LAMB1: variants seen among roughly 807,000 people sequenced by gnomAD.
LAMB1 encodes laminin subunit beta-1.
LAMB1 carries 121 observed loss-of-function variants against 222.3 expected under a neutral mutation model. The observed-to-expected ratio is 0.54, with a 90% confidence interval of 0.47 to 0.63. The LOEUF is 0.63. LAMB1 is among the 30% of genes least tolerant of loss of function. The pLI is 0.00. For missense variants in LAMB1, 2,172 were observed against 2,240.8 expected (o/e 0.97, Z 0.62); for synonymous variants, 794 against 807.2 (o/e 0.98, Z 0.28).
At chr7:107,928,848 C>T (rs531449895) in intron 31 of LAMB1, among the ~76,000 whole-genome samples, 2 of 151,348 alleles carry the variant, frequency 1.3e-5, no homozygotes, top group African/African-American at 2.5e-5. Flanking sequence ...TGAGATGGGA[C>T]GTAATGGTCC....
rs1216217707 is a variant in LAMB1, at chr7:107,986,102, G to A, written c.613-17C>T. On this transcript the variant is annotated splice_polypyrimidine_tract_variant and intron_variant, in intron 6 of 33. Transcript: ENST00000222399. ...AAATATCACCTAAAAATGGAAACAAGAGTAATTGGTACTTCTGCAATAATC... is the reference window on the plus strand; with the variant it reads ...AAATATCACCTAAAAATGGAAACAAAAGTAATTGGTACTTCTGCAATAATC... 2 of 1,611,548 alleles carry A rather than the reference G, an allele frequency of 1.2e-6. No individual in the cohort carries two copies. The highest frequency in any genetic ancestry group is 2.7e-5 in the African/African-American group (2 of 74,836).
intron 7 of LAMB1, among the ~76,000 whole-genome samples, chr7:107,981,138 C>T (rs1034733967): frequency 6.6e-6 from 1 of 152,078 alleles, no homozygotes; most frequent in Non-Finnish European, 1.5e-5. Flanking sequence ...ATGGCAAAAC[C>T]CCATCTCTAA....
At chr7:107,945,076 T>C (rs533864114) in intron 24 of LAMB1, among the ~76,000 whole-genome samples, 1 of 152,216 alleles carries the variant, frequency 6.6e-6, no homozygotes, top group African/African-American at 2.4e-5. Context: ...ATCATGAAGA[T>C]GAAGAATAGT....
intron 24 of LAMB1, among the ~76,000 whole-genome samples, chr7:107,943,417 G>T (rs1462910397): frequency 6.6e-6 from 1 of 152,142 alleles, no homozygotes; most frequent in East Asian, 1.9e-4. Flanking sequence ...GAAGAACTTA[G>T]ATAACTTACA....
chr7:107,972,871 T>A (rs1406959029), intron 13 of LAMB1, 121 bp downstream of exon 13: 36 of 776,772 alleles, frequency 4.6e-5, no homozygotes, highest in Non-Finnish European at 7.5e-5. Flanking sequence ...CACACATTTA[T>A]CAAGACATAC....
chr7:107,975,014 A>G lies in LAMB1; in HGVS notation c.1454T>C (p.Val485Ala), dbSNP rs1254057788. 3.1e-6 allele frequency: 5 copies of G among 1,610,082 alleles called. No homozygotes were observed. In the South Asian group the frequency reaches 4.4e-5, roughly 14 times the overall value. The change falls in exon 12 of 34, where the codon GTG becomes GCG. Residue 485 changes from valine to alanine, a missense_variant. Physicochemically the swap from Val to Ala is moderately conservative, Grantham distance 64. Transcript: ENST00000222399. ...GCACTGGTCACAATGCTGTCCTGTCACCAGACGCTTGCAGTAGCAGTGACC... is the reference window on the plus strand; with the variant it reads ...GCACTGGTCACAATGCTGTCCTGTCGCCAGACGCTTGCAGTAGCAGTGACC... ...ETGHCYCKRL[V>A]TGQHCDQCLP...
In LAMB1 at chr7:107,972,978, A is replaced by G. The variant is rs2150437164; in HGVS notation, c.1562+14T>C. ...GAAGACTGAGGACAAGAGCATACGTAGAGCTCCATTTACCTGTTGTTTAAG... is the reference window on the plus strand; with the variant it reads ...GAAGACTGAGGACAAGAGCATACGTGGAGCTCCATTTACCTGTTGTTTAAG... On this transcript the variant is annotated intron_variant, in intron 13 of 33. Transcript: ENST00000222399. 3 of 1,578,104 alleles carry G rather than the reference A, an allele frequency of 1.9e-6. No individual in the cohort carries two copies. Among genetic ancestry groups the G allele is most frequent in the Non-Finnish European group, 2.6e-6 (3 of 1,147,112 alleles).
At chr7:107,936,015 G>A (rs1048364189) in intron 26 of LAMB1, among the ~76,000 whole-genome samples, 1 of 152,138 alleles carries the variant, frequency 6.6e-6, no homozygotes, top group Non-Finnish European at 1.5e-5. Context: ...CCACTCAAAT[G>A]ACTAATATAG....
intron 2 of LAMB1, chr7:108,001,973 G>T: frequency 2.8e-6 from 4 of 1,447,170 alleles, no homozygotes; most frequent in Non-Finnish European, 3.6e-6. Flanking sequence ...GTCCAGCAGC[G>T]AGAGCCTCCC....
chr7:107,977,956 T>C lies in LAMB1; in HGVS notation c.1000+91A>G, dbSNP rs2033900673. The C allele has an allele frequency of 9.5e-6, 14 of 1,468,226 alleles. No individual in the cohort carries two copies. In the South Asian group the frequency reaches 1.6e-4, roughly 16 times the overall value. The allele number at this position is 1,468,226 out of a possible 1,614,324, so 90.9% of individuals were successfully genotyped here. A position where few individuals can be genotyped will look rare whatever the true frequency, so the allele number is the denominator to read the frequency against. On this transcript the variant is annotated intron_variant, in intron 9 of 33. Coordinates refer to ENST00000222399, the MANE Select transcript of LAMB1 (RefSeq NM_002291.3). ...AAAAGACAGTAACTTTTCTACCCTC[T>C]GCAAAACAGTACACTGTTACAGTAC...
Position 107,937,202 on chromosome 7 carries a change from G to A in LAMB1, c.3837C>T (p.Asn1279=), listed in dbSNP as rs2032868745. 2 of 1,613,786 alleles carry A rather than the reference G, an allele frequency of 1.2e-6. No individual in the cohort carries two copies. Among genetic ancestry groups the A allele is most frequent in the Non-Finnish European group, 1.7e-6 (2 of 1,179,842 alleles). ...GAGAATCCAGTTCTTTGGCTGTGCT[G>A]TTGCTTTGGGAAGTTGTGTCAGATA... ...VKLSDTTSQS[N]STAKELDSLQ... Residue 1279 remains asparagine, a synonymous_variant, in exon 26 of 34, where the codon AAC becomes AAT. Coordinates refer to ENST00000222399, the MANE Select transcript of LAMB1 (RefSeq NM_002291.3).
In LAMB1 at chr7:108,002,859, G is replaced by A. The variant is rs2034417328; in HGVS notation, c.27C>T (p.Phe9=). 6.2e-7 allele frequency: 1 copy of A among 1,614,058 alleles called. No homozygotes were observed. The highest frequency in any genetic ancestry group is 8.5e-7 in the Non-Finnish European group (1 of 1,180,036). Residue 9 remains phenylalanine (F), a synonymous_variant, in exon 2 of 34, where the codon TTC becomes TTT. Transcript: ENST00000222399. The part of the protein sequence containing the change: MGLLQLLA[F]SFLALCRARV... The stretch of plus-strand genomic sequence containing the variant: ...TTTCCACGGAATTACCTAAGAAACT[G>A]AAAGCTAGCAACTGGAGAAGCCCCA...
intron 25 of LAMB1, among the ~76,000 whole-genome samples, chr7:107,939,047 C>A (rs1026380317): frequency 2.6e-5 from 4 of 152,190 alleles, no homozygotes; most frequent in African/African-American, 9.7e-5. Flanking sequence ...CATATAAACA[C>A]CTCAGTGTGC....
At chr7:107,931,709 A>G in intron 28 of LAMB1, 1 of 562,374 alleles carries the variant, frequency 1.8e-6, no homozygotes, top group Non-Finnish European at 3.1e-6. Flanking sequence ...TCTGATATAA[A>G]TAGAACTAGC....
intron 7 of LAMB1, among the ~76,000 whole-genome samples, chr7:107,982,746 A>T (rs1406786371): frequency 6.6e-6 from 1 of 152,226 alleles, no homozygotes; most frequent in Non-Finnish European, 1.5e-5. Context: ...CTTGACTGCT[A>T]TTCTAAGTGG....
intron 32 of LAMB1, among the ~76,000 whole-genome samples, chr7:107,925,948 C>T (rs753194576): frequency 8.0e-5 from 12 of 150,032 alleles, no homozygotes; most frequent in South Asian, 2.1e-4. Context: ...AAGTTAATTC[C>T]GTTCTTCTAA....
At chr7:107,925,206 T>C in intron 32 of LAMB1, among the ~76,000 whole-genome samples, 1 of 152,028 alleles carries the variant, frequency 6.6e-6, no homozygotes, top group Non-Finnish European at 1.5e-5. Flanking sequence ...TCCAGAAAAT[T>C]TTTGAATAGT....
Position 107,962,978 on chromosome 7 carries a change from G to A in LAMB1, c.1784C>T (p.Ala595Val). Residue 595 changes from alanine to valine, a missense_variant, in exon 15 of 34, where the codon GCT becomes GTT. Coordinates refer to ENST00000222399, the MANE Select transcript of LAMB1 (RefSeq NM_002291.3). ...GTTGTCAATGAAAAACTCCAAATAAGCCCCTTCAGGCACTCGGACGAAGCC... is the reference window on the plus strand; with the variant it reads ...GTTGTCAATGAAAAACTCCAAATAAACCCCTTCAGGCACTCGGACGAAGCC... The part of the protein sequence containing the change: ...GAGFVRVPEG[A>V]YLEFFIDNIP... 1 of 1,613,852 alleles carries A rather than the reference G, an allele frequency of 6.2e-7. No homozygotes were observed. The highest frequency in any genetic ancestry group is 1.7e-5 in the Admixed American group (1 of 59,986).
At chr7:107,990,250 G>C (rs1323263851) in intron 5 of LAMB1, among the ~76,000 whole-genome samples, 1 of 152,004 alleles carries the variant, frequency 6.6e-6, no homozygotes, top group Non-Finnish European at 1.5e-5. Context: ...TGCTGTCCAG[G>C]CTGGTCTTGA....
Sources: gnomAD v4.1 joint callset for allele counts (sites outside exome capture counted in the v4.1 genomes callset) on GRCh38, gnomAD v4.1.1 for gene constraint, MANE v1.5 for transcripts, NCBI Gene and HGNC (gene_info 2026-07-23, HGNC 2026-07-21) for gene names.